The following ATAD5 variants were observed in gnomAD, a reference collection of about 807,000 sequenced individuals.
The protein encoded by ATAD5 is ATPase family AAA domain-containing protein 5.
A neutral mutation model predicts 176.9 loss-of-function variants in ATAD5; 58 were observed. That is an observed-to-expected ratio of 0.33 (90% CI 0.27 to 0.41). The LOEUF is 0.41. Ranked by LOEUF, ATAD5 falls within the 10% of genes least tolerant of loss-of-function variation. The pLI, the probability that ATAD5 is intolerant of heterozygous loss-of-function variation, is 1.00. For missense variants in ATAD5, 1,789 were observed against 2,094.1 expected (o/e 0.85, Z 2.84); for synonymous variants, 640 against 712.6 (o/e 0.90, Z 1.62).
rs1909772598 is a variant in ATAD5 at position 30,893,908 on chromosome 17, A to G, written c.5055A>G (p.Thr1685=). ...NDFSWTNGKV[T]SGLCDEFSLE... is the part of the protein sequence containing the mutation. ...TTAGTTGGACAAATGGAAAGGTTACAAGTGGACTTTGTGATGAGTTTAGTC... is the reference window on the plus strand; with the variant it reads ...TTAGTTGGACAAATGGAAAGGTTACGAGTGGACTTTGTGATGAGTTTAGTC... The change falls in exon 21 of 23, where the codon ACA becomes ACG. Residue 1685 remains threonine, a synonymous_variant. Transcript: ENST00000321990. 8.7e-6 allele frequency: 14 copies of G among 1,614,084 alleles called. No individual in the cohort carries two copies. Among genetic ancestry groups the G allele is most frequent in the Non-Finnish European group, 1.1e-5 (13 of 1,179,948 alleles).
At chr17:30,892,816 T>C (rs1262050311) in intron 20 of ATAD5, 28 bp downstream of exon 20, 2 of 1,474,142 alleles carry the variant, frequency 1.4e-6, no homozygotes, top group Non-Finnish European at 1.8e-6. Flanking sequence ...TTTGCAATGT[T>C]GAATTTATAT....
chr17:30,889,886 C>CTTTTTTTTTTTTTTTTTTTTT (rs60266614), intron 19 of ATAD5, among the ~76,000 whole-genome samples: 121 of 95,710 alleles, frequency 1.3e-3, no homozygotes, highest in East Asian at 1.6e-3. Flanking sequence ...TCTTTTCTTT[C>CTTTTTTTTTTTTTTTTTTTTT]TTTTTTTTTT....
At chr17:30,849,063 G>T (rs1906709156) in intron 6 of ATAD5, among the ~76,000 whole-genome samples, 1 of 152,086 alleles carries the variant, frequency 6.6e-6, no homozygotes, top group African/African-American at 2.4e-5. Context: ...TAGAGGCAGG[G>T]TTTCACCATG....
chr17:30,833,304 T>C (rs1905493747), intron 1 of ATAD5, among the ~76,000 whole-genome samples: 1 of 152,214 alleles, frequency 6.6e-6, no homozygotes, highest in Non-Finnish European at 1.5e-5. Context: ...ATGTGGTCTG[T>C]TTTATCAATC....
chr17:30,851,076 A>T (rs1288543452), intron 6 of ATAD5, among the ~76,000 whole-genome samples: 1 of 143,582 alleles, frequency 7.0e-6, no homozygotes, highest in African/African-American at 2.5e-5. Flanking sequence ...TTTAGTAGAG[A>T]TGGGGTTTCA....
intron 19 of ATAD5, 78 bp downstream of exon 19, chr17:30,887,450 C>T (rs1471807998): frequency 1.4e-5 from 17 of 1,238,866 alleles, no homozygotes; most frequent in Non-Finnish European, 1.7e-5. Flanking sequence ...GGTGCAGTGG[C>T]TCATGCCTGT....
At chr17:30,863,805 C>G (rs917238035) in intron 10 of ATAD5, 1 of 151,710 alleles carries the variant, frequency 6.6e-6, no homozygotes, top group African/African-American at 2.4e-5. Context: ...GCTGGGACTA[C>G]AGGCGTGTGC....
chr17:30,832,382 C>T lies in ATAD5; in HGVS notation c.35C>T (p.Ala12Val). ...VGVLAMAAAAAPPPVKDCEIE... is the reference protein window; with the variant it reads ...VGVLAMAAAAVPPPVKDCEIE... ...GTCCTGGCCATGGCGGCTGCAGCTGCTCCGCCTCCCGTGAAGGACTGCGAG... is the reference window on the plus strand; with the variant it reads ...GTCCTGGCCATGGCGGCTGCAGCTGTTCCGCCTCCCGTGAAGGACTGCGAG... The change falls in exon 1 of 23, where the codon GCT (alanine) becomes GTT (valine). Residue 12 changes from alanine (A) to valine (V), a missense_variant. Physicochemically the swap from Ala to Val is moderately conservative, Grantham distance 64. Transcript: ENST00000321990. The T allele has an allele frequency of 6.4e-7, 1 of 1,561,696 alleles. No homozygotes were observed. Among genetic ancestry groups the T allele is most frequent in the Non-Finnish European group, 8.7e-7 (1 of 1,152,616 alleles).
intron 19 of ATAD5, 39 bp downstream of exon 19, chr17:30,887,411 ACC>A: frequency 6.5e-7 from 1 of 1,537,526 alleles, no homozygotes; most frequent in Non-Finnish European, 8.8e-7. Flanking sequence ...CTATTATGGG[ACC>A]CTATTTAAAA....
In ATAD5 at chr17:30,856,956, GTGT is replaced by G. The variant is rs749874414; in HGVS notation, c.2642_2644del (p.Cys881del). On this transcript the variant is annotated inframe_deletion and splice_region_variant, in exon 8 of 23. Transcript: ENST00000321990. ...AGATATTTGTCTATTTTTCTTTAGG[GTGT>G]TGTTTGTGGCATTTGAAACCACCCT... is the stretch of plus-strand genomic sequence containing the variant. 2.5e-5 allele frequency: 40 copies of G among 1,577,024 alleles called. No homozygotes were observed. Among genetic ancestry groups the G allele is most frequent in the Non-Finnish European group, 3.4e-5 (40 of 1,169,118 alleles).
Position 30,869,513 on chromosome 17 carries a change from C to T in ATAD5, c.3474C>T (p.Ala1158=), listed in dbSNP as rs781203572. 4.0e-5 allele frequency: 64 copies of T among 1,613,098 alleles called. No homozygotes were observed. The highest frequency in any genetic ancestry group is 5.4e-5 in the Non-Finnish European group (64 of 1,179,848). The part of the protein sequence containing the change: ...ELGFKIFEVN[A]SSQRSGRQIL... ...TCTTTTAGATATTTGAAGTGAATGC[C>T]TCTTCCCAGCGCAGTGGTAGACAAA... The change falls in exon 14 of 23, where the codon GCC becomes GCT. Residue 1158 remains alanine (A), a synonymous_variant. Coordinates refer to ENST00000321990, the MANE Select transcript of ATAD5 (RefSeq NM_024857.5).
At position 30,892,174 on chromosome 17, in the gene ATAD5, C is replaced by T. The variant is rs139508397; in HGVS notation, c.4259-433C>T. Among the ~76,000 whole-genome samples the T allele has an allele frequency of 6.3e-3, 952 of 151,824 alleles. 9 individuals are homozygous for T. The highest frequency in any genetic ancestry group is 0.01 in the Middle Eastern group (3 of 294). On this transcript the variant is annotated intron_variant, in intron 19 of 22. Transcript: ENST00000321990. Reference sequence around the variant, plus strand: ...GCGCAGTGGCTCACGCATGTAATCCCAGCACTTTGGGAGGTCGAGGGGGGT... The same window carrying T: ...GCGCAGTGGCTCACGCATGTAATCCTAGCACTTTGGGAGGTCGAGGGGGGT...
chr17:30,847,810 C>T (rs182507230), intron 6 of ATAD5, among the ~76,000 whole-genome samples: 189 of 151,148 alleles, frequency 1.3e-3, no homozygotes, highest in African/African-American at 4.3e-3. Context: ...ACCTCCGCCC[C>T]CCGGGTTTAT....
chr17:30,880,665 G>A (rs1286236486), intron 18 of ATAD5, among the ~76,000 whole-genome samples: 1 of 150,916 alleles, frequency 6.6e-6, no homozygotes, highest in Non-Finnish European at 1.5e-5. Context: ...TAAGGAATAT[G>A]TTAAAATTTT....
chr17:30,887,476 G>C (rs1193814096), intron 19 of ATAD5, 104 bp downstream of exon 19: 11 of 935,992 alleles, frequency 1.2e-5, no homozygotes, highest in African/African-American at 1.7e-5. Context: ...CAGCACTTTG[G>C]GGGAGTGAGG....
chr17:30,869,158 G>T lies in ATAD5; in HGVS notation c.3314-90G>T, dbSNP rs190899219. ...AGTAATTTTTCAGCATCTATTGCAA[G>T]AAGTTTGTGGGATTTGATCACTGGG... On this transcript the variant is annotated intron_variant, in intron 12 of 22. Transcript: ENST00000321990. 58 of 1,440,128 alleles carry T rather than the reference G, an allele frequency of 4.0e-5. No homozygotes were observed. In the Middle Eastern group the frequency reaches 1.7e-3, roughly 42 times the overall value. The allele number at this position is 1,440,128 out of a possible 1,614,324, so 89.2% of individuals were successfully genotyped here.
chr17:30,834,824 C>G lies in ATAD5; in HGVS notation c.743C>G (p.Ser248Cys). Residue 248 changes from serine (S) to cysteine (C), a missense_variant, in exon 2 of 23, where the codon TCT (serine) becomes TGT (cysteine). By Grantham distance (112) the Ser-to-Cys change is moderately radical. Coordinates refer to ENST00000321990, the MANE Select transcript of ATAD5 (RefSeq NM_024857.5). Reference protein sequence around the residue: ...QMENTTSHANSRDNVTEAAQL... With the variant: ...QMENTTSHANCRDNVTEAAQL... ...GAGAATACTACAAGCCATGCAAACT[C>G]TAGAGATAACGTAACTGAAGCAGCC... is the stretch of plus-strand genomic sequence containing the variant. The G allele has an allele frequency of 6.2e-7, 1 of 1,613,798 alleles. No homozygotes were observed. The highest frequency in any genetic ancestry group is 8.5e-7 in the Non-Finnish European group (1 of 1,179,922).
intron 9 of ATAD5, among the ~76,000 whole-genome samples, chr17:30,859,347 T>TTTTTA (rs567246426): frequency 1.1e-4 from 16 of 152,244 alleles, no homozygotes; most frequent in Admixed American, 3.9e-4. Flanking sequence ...GATTCTTGCC[T>TTTTTA]TTTTATTTTA....
intron 3 of ATAD5, among the ~76,000 whole-genome samples, chr17:30,838,760 T>G (rs1158348861): frequency 6.6e-6 from 1 of 152,178 alleles, no homozygotes; most frequent in East Asian, 1.9e-4. Flanking sequence ...AAAATTGGGA[T>G]TTAATAGTAA....
Sources: gnomAD v4.1 joint callset for allele counts (sites outside exome capture counted in the v4.1 genomes callset) on GRCh38, gnomAD v4.1.1 for gene constraint, MANE v1.5 for transcripts, NCBI Gene and HGNC (gene_info 2026-07-23, HGNC 2026-07-21) for gene names.